TRPM6: variants seen among roughly 807,000 people sequenced by gnomAD.
TRPM6 encodes transient receptor potential cation channel subfamily M member 6.
In TRPM6, 111 loss-of-function variants were observed where a neutral mutation model predicts 247.6. That is an observed-to-expected ratio of 0.45 (90% confidence interval 0.38 to 0.52). The LOEUF (loss-of-function observed/expected upper bound fraction) is 0.52, where lower values mean the gene tolerates loss of function less well. Among genes scored for constraint, TRPM6 ranks in the 20% least tolerant of loss-of-function variants. The pLI is 0.00. For synonymous variants in TRPM6, 892 were observed against 853.8 expected (o/e 1.04, Z -0.78); for missense variants, 2,126 against 2,421.5 (o/e 0.88, Z 2.56).
Position 74,886,503 on chromosome 9 carries a change from CT to C in TRPM6, c.33+1320del, listed in dbSNP as rs1260483579. On this transcript the variant is annotated intron_variant, in intron 1 of 38. Transcript: ENST00000360774. ...ACTAGAACATCTATGTTCTCAGTGT[CT>C]TTTTTTCTCTTTTTTTTTTTTCTTT... 2.7e-5 allele frequency among the ~76,000 whole-genome samples: 4 copies of C among 150,714 alleles called. No individual in the cohort carries two copies. In the East Asian group the frequency reaches 7.7e-4, roughly 29 times the overall value.
At chr9:74,782,920 A>G (rs1282252250) in intron 21 of TRPM6, 67 bp from the exon 22 acceptor site, 1 of 1,459,704 alleles carries the variant, frequency 6.9e-7, no homozygotes, top group Admixed American at 1.7e-5. Context: ...ACCAAACACC[A>G]GCAGCCATCA....
chr9:74,753,806 A>G (rs912151125), intron 28 of TRPM6, among the ~76,000 whole-genome samples: 2 of 152,168 alleles, frequency 1.3e-5, no homozygotes, highest in Non-Finnish European at 2.9e-5. Flanking sequence ...CACGTTTCAA[A>G]AAAACAAGCT....
chr9:74,837,081 C>G (rs1829748564), intron 5 of TRPM6, among the ~76,000 whole-genome samples: 1 of 152,220 alleles, frequency 6.6e-6, no homozygotes, highest in South Asian at 2.1e-4. Flanking sequence ...CGTGTTACTC[C>G]TCTTTCATTC....
rs1394062115 is a variant in TRPM6 at position 74,763,070 on chromosome 9, A to T, written c.3601T>A (p.Leu1201Ile). The change falls in exon 26 of 39, where the codon TTA (leucine) becomes ATA (isoleucine). Residue 1201 changes from leucine to isoleucine, a missense_variant. Physicochemically the swap from Leu to Ile is conservative, Grantham distance 5 (BLOSUM62 2). This residue lies in a region of TRPM6 where 717 missense variants were observed against 715.9 expected (regional missense o/e 1.00). Transcript: ENST00000360774. ...CCCACCTGGCTGTCCAAAGACAGTA[A>T]GGAGTCCTTTATAAAAGACACCTTT... ...NEKVSFIKDS[L>I]LSLDSQVGHL... 1 of 1,614,126 alleles carries T rather than the reference A, an allele frequency of 6.2e-7. No homozygotes were observed. The highest frequency in any genetic ancestry group is 1.1e-5 in the South Asian group (1 of 91,088).
intron 7 of TRPM6, 104 bp from the exon 8 acceptor site, chr9:74,821,941 CA>C (rs1473013897): frequency 1.0e-5 from 13 of 1,279,122 alleles, no homozygotes; most frequent in Non-Finnish European, 1.4e-5. Flanking sequence ...CACCTATGTT[CA>C]TTCCTCACAC....
At chr9:74,842,036 G>A (rs371715560) in intron 4 of TRPM6, 130 bp downstream of exon 4, 11 of 972,750 alleles carry the variant, frequency 1.1e-5, no homozygotes, top group Non-Finnish European at 1.7e-5. Context: ...ACTTGAACCC[G>A]GGAGGCAGAG....
intron 17 of TRPM6, among the ~76,000 whole-genome samples, chr9:74,797,639 A>G (rs1013506764): frequency 1.3e-5 from 2 of 152,222 alleles, no homozygotes; most frequent in Non-Finnish European, 2.9e-5. Context: ...ACTGTATAGA[A>G]GAACATAGAG....
intron 19 of TRPM6, among the ~76,000 whole-genome samples, chr9:74,789,037 A>G (rs535906642): frequency 2.0e-5 from 3 of 152,186 alleles, no homozygotes; most frequent in Non-Finnish European, 4.4e-5. Flanking sequence ...TGCACATCCA[A>G]CAGGGGCACT....
At chr9:74,872,843 T>G (rs1167242934) in intron 1 of TRPM6, among the ~76,000 whole-genome samples, 1 of 152,160 alleles carries the variant, frequency 6.6e-6, no homozygotes, top group Non-Finnish European at 1.5e-5. Flanking sequence ...CTAGTTAAAG[T>G]CACCATAAAC....
chr9:74,855,487 G>A (rs372741971), intron 3 of TRPM6, 40 bp downstream of exon 3: 1 of 1,454,598 alleles, frequency 6.9e-7, no homozygotes, highest in Non-Finnish European at 9.7e-7. Flanking sequence ...TAAATAGGGT[G>A]CCTAAAAGCT....
intron 5 of TRPM6, among the ~76,000 whole-genome samples, chr9:74,837,078 C>A (rs943346592): frequency 5.3e-5 from 8 of 152,224 alleles, no homozygotes; most frequent in Non-Finnish European, 1.2e-4. Context: ...GTCCGTGTTA[C>A]TCCTCTTTCA....
chr9:74,773,973 C>T (rs1827132164), intron 24 of TRPM6, among the ~76,000 whole-genome samples: 1 of 152,162 alleles, frequency 6.6e-6, no homozygotes, highest in Admixed American at 6.5e-5. Context: ...TTACAGGTGT[C>T]ATGATGTGAA....
At chr9:74,849,757 A>G (rs955164905) in intron 3 of TRPM6, among the ~76,000 whole-genome samples, 2 of 152,216 alleles carry the variant, frequency 1.3e-5, no homozygotes, top group African/African-American at 4.8e-5. Context: ...CTAGGAAGCG[A>G]TGTGTCCTGG....
chr9:74,773,142 C>T (rs938673842), intron 24 of TRPM6, among the ~76,000 whole-genome samples: 1 of 152,060 alleles, frequency 6.6e-6, no homozygotes, highest in Non-Finnish European at 1.5e-5. Context: ...ACAACAACAA[C>T]AACAACAACA....
chr9:74,722,610 A>T lies in TRPM6; in HGVS notation c.*2003T>A, dbSNP rs1438133777. 6.6e-6 allele frequency: 1 copy of T among 152,216 alleles called. No individual in the cohort carries two copies. Among genetic ancestry groups the T allele is most frequent in the African/African-American group, 2.4e-5 (1 of 41,450 alleles). The allele number at this position is 152,216 out of a possible 1,614,324, so 9.4% of individuals were successfully genotyped here. ...GGGCAAGCAAACTCTGCCTCTTTCCATAGTTGAGTGCAGCACTGAGGTGAG... is the reference window on the plus strand; with the variant it reads ...GGGCAAGCAAACTCTGCCTCTTTCCTTAGTTGAGTGCAGCACTGAGGTGAG... On this transcript the variant is annotated 3_prime_UTR_variant, in exon 39 of 39. Transcript: ENST00000360774.
chr9:74,886,771 A>G (rs920631549), intron 1 of TRPM6, among the ~76,000 whole-genome samples: 9 of 152,186 alleles, frequency 5.9e-5, no homozygotes, highest in Admixed American at 1.3e-4. Flanking sequence ...TCTTGAAACT[A>G]CAAATCGTAT....
Position 74,762,910 on chromosome 9 carries a change from C to T in TRPM6, c.3761G>A (p.Ser1254Asn), listed in dbSNP as rs748767087. The change falls in exon 26 of 39, where the codon AGC (serine) becomes AAC (asparagine). Residue 1254 changes from serine to asparagine, a missense_variant. By Grantham distance (46) the Ser-to-Asn change is conservative (BLOSUM62 1). This residue lies in a region of TRPM6 where 717 missense variants were observed against 715.9 expected (regional missense o/e 1.00). Coordinates refer to ENST00000360774, the MANE Select transcript of TRPM6 (RefSeq NM_017662.5). ...TAGAACCTCTGCACAGATGACATTG[C>T]TCCAGCTGTGGGGAAGTTTTTTGCA... ...STCKKLPHSW[S>N]NVICAEVLGS... is the part of the protein sequence containing the mutation. The T allele has an allele frequency of 3.7e-6, 6 of 1,607,028 alleles. No individual in the cohort carries two copies. The highest frequency in any genetic ancestry group is 1.7e-4 in the Middle Eastern group (1 of 6,050).
intron 1 of TRPM6, among the ~76,000 whole-genome samples, chr9:74,882,463 G>T (rs1033960305): frequency 5.3e-5 from 8 of 152,210 alleles, no homozygotes; most frequent in Admixed American, 5.2e-4. Flanking sequence ...ATGAATCAAC[G>T]TTTCTCAAAC....
intron 1 of TRPM6, among the ~76,000 whole-genome samples, chr9:74,880,409 GA>G (rs1345545070): frequency 4.6e-5 from 7 of 152,040 alleles, no homozygotes; most frequent in Non-Finnish European, 7.4e-5. Flanking sequence ...TAGTCAAACT[GA>G]AAGAATTCTA....
Sources: gnomAD v4.1 joint callset for allele counts (sites outside exome capture counted in the v4.1 genomes callset) on GRCh38, gnomAD v4.1.1 for gene constraint, gnomAD v4.1.1 regional missense constraint, MANE v1.5 for transcripts, NCBI Gene and HGNC (gene_info 2026-07-23, HGNC 2026-07-21) for gene names.